The following CSMD1 variants were observed in gnomAD, a reference collection of about 807,000 sequenced individuals.
CSMD1 encodes the protein CUB and sushi domain-containing protein 1.
CSMD1 carries 213 observed loss-of-function variants against 417.5 expected under a neutral mutation model. The observed-to-expected ratio is 0.51, with a 90% confidence interval of 0.46 to 0.57. CSMD1 has a LOEUF of 0.57. Ranked by LOEUF, CSMD1 falls within the 20% of genes least tolerant of loss-of-function variation. The probability of loss-of-function intolerance (pLI) is 0.00; values close to 1 mark genes in which losing one functional copy is unlikely to be tolerated. For synonymous variants in CSMD1, 2,862 were observed against 1,736.8 expected, an observed-to-expected ratio of 1.65 and a Z score of -16.11; for missense variants, 6,923 against 4,529.7, an observed-to-expected ratio of 1.53 and a Z score of -15.17.
At chr8:4,292,762 A>T (rs938025655) in intron 3 of CSMD1, among the ~76,000 whole-genome samples, 3 of 152,190 alleles carry the variant, frequency 2.0e-5, no homozygotes, top group Non-Finnish European at 4.4e-5. Flanking sequence ...TTCAAACTGA[A>T]TATTAAACAC....
At chr8:2,957,880 G>T in intron 62 of CSMD1, 73 bp from the exon 63 acceptor site, 2 of 995,726 alleles carry the variant, frequency 2.0e-6, no homozygotes, top group Non-Finnish European at 3.1e-6. Context: ...ATACCTGAAA[G>T]TACACGCCCG....
At chr8:4,663,983 G>A (rs567784028) in intron 1 of CSMD1, among the ~76,000 whole-genome samples, 1 of 152,260 alleles carries the variant, frequency 6.6e-6, no homozygotes, top group African/African-American at 2.4e-5. Context: ...AGTGGCTCCT[G>A]TTGTTTCTGG....
chr8:3,158,529 A>G (rs1355186175), intron 38 of CSMD1, among the ~76,000 whole-genome samples: 2 of 152,090 alleles, frequency 1.3e-5, no homozygotes, highest in Non-Finnish European at 2.9e-5. Flanking sequence ...ACACATCACA[A>G]CAACCTGCCT....
At chr8:4,094,095 A>G (rs1800871345) in intron 3 of CSMD1, among the ~76,000 whole-genome samples, 1 of 151,876 alleles carries the variant, frequency 6.6e-6, no homozygotes, top group Admixed American at 6.6e-5. Context: ...GTGTGGATGG[A>G]GGAAAACGGC....
intron 3 of CSMD1, among the ~76,000 whole-genome samples, chr8:4,226,869 G>A (rs1053179927): frequency 6.6e-6 from 1 of 152,146 alleles, no homozygotes; most frequent in African/African-American, 2.4e-5. Flanking sequence ...CTTTAGTTTG[G>A]GAATAAGAAA....
intron 2 of CSMD1, among the ~76,000 whole-genome samples, chr8:4,462,343 G>A (rs535424798): frequency 4.6e-5 from 7 of 152,126 alleles, no homozygotes; most frequent in African/African-American, 1.4e-4. Flanking sequence ...TAAAGAAATT[G>A]AAGACCTAAA....
At chr8:4,838,926 T>A (rs1345348443) in intron 1 of CSMD1, among the ~76,000 whole-genome samples, 1 of 152,250 alleles carries the variant, frequency 6.6e-6, no homozygotes, top group Non-Finnish European at 1.5e-5. Context: ...AAACTTATTT[T>A]ATGAAAGACA....
intron 4 of CSMD1, among the ~76,000 whole-genome samples, chr8:4,011,136 C>A (rs1310246656): frequency 6.6e-6 from 1 of 152,132 alleles, no homozygotes; most frequent in African/African-American, 2.4e-5. Flanking sequence ...AATCTATAAC[C>A]TTCAATTTTG....
intron 3 of CSMD1, among the ~76,000 whole-genome samples, chr8:4,052,841 C>A (rs1331024351): frequency 6.6e-6 from 1 of 152,106 alleles, no homozygotes; most frequent in Non-Finnish European, 1.5e-5. Flanking sequence ...CCTAGGTAAA[C>A]CCCTCTCCAT....
intron 5 of CSMD1, among the ~76,000 whole-genome samples, chr8:3,888,943 G>T (rs891303866): frequency 1.3e-5 from 2 of 152,086 alleles, no homozygotes; most frequent in East Asian, 1.9e-4. Flanking sequence ...TTTATGTGAA[G>T]ATTTTATTAA....
intron 7 of CSMD1, among the ~76,000 whole-genome samples, chr8:3,678,412 C>T (rs960507754): frequency 3.9e-5 from 6 of 151,954 alleles, no homozygotes; most frequent in South Asian, 2.1e-4. Flanking sequence ...ACAGCCGATT[C>T]GATCAACTGG....
At chr8:4,550,230 A>G (rs994014150) in intron 2 of CSMD1, among the ~76,000 whole-genome samples, 1 of 151,882 alleles carries the variant, frequency 6.6e-6, no homozygotes, top group Non-Finnish European at 1.5e-5. Flanking sequence ...CACATTTCTC[A>G]GCCTTCACTT....
chr8:4,316,978 C>T (rs1798972992), intron 3 of CSMD1, among the ~76,000 whole-genome samples: 1 of 151,576 alleles, frequency 6.6e-6, no homozygotes, highest in African/African-American at 2.4e-5. Context: ...AGAGTAAATA[C>T]AATCGACTCT....
At chr8:3,466,009 C>A (rs1025379707) in intron 12 of CSMD1, among the ~76,000 whole-genome samples, 5 of 152,134 alleles carry the variant, frequency 3.3e-5, no homozygotes, top group Non-Finnish European at 7.3e-5. Flanking sequence ...GTTGGGTTTA[C>A]ATGTCTTACT....
intron 5 of CSMD1, among the ~76,000 whole-genome samples, chr8:3,995,880 A>G (rs1815175536): frequency 6.6e-6 from 1 of 152,218 alleles, no homozygotes; most frequent in Non-Finnish European, 1.5e-5. Flanking sequence ...GTTCCCACTG[A>G]TAACTTTCCC....
chr8:4,903,173 C>A (rs907706278), intron 1 of CSMD1, among the ~76,000 whole-genome samples: 7 of 152,074 alleles, frequency 4.6e-5, no homozygotes, highest in Non-Finnish European at 8.8e-5. Context: ...ATGCAATCTT[C>A]CCACAGGAAC....
intron 26 of CSMD1, among the ~76,000 whole-genome samples, chr8:3,240,024 G>A (rs1799396844): frequency 1.3e-5 from 2 of 152,138 alleles, no homozygotes; most frequent in Non-Finnish European, 2.9e-5. Flanking sequence ...TATGAGAACT[G>A]TAGAGAGTGA....
chr8:4,628,397 CAT>C (rs995965952), intron 2 of CSMD1, among the ~76,000 whole-genome samples: 10 of 128,454 alleles, frequency 7.8e-5, no homozygotes, highest in Admixed American at 1.6e-4. Flanking sequence ...TATATATACA[CAT>C]ATATATACAC....
intron 3 of CSMD1, among the ~76,000 whole-genome samples, chr8:4,103,889 T>C (rs1801431862): frequency 6.6e-6 from 1 of 152,192 alleles, no homozygotes; most frequent in African/African-American, 2.4e-5. Flanking sequence ...TTAATATTTG[T>C]TCTCTCCAGG....
Sources: allele counts gnomAD v4.1 joint callset (sites outside exome capture counted in the v4.1 genomes callset), GRCh38; gene constraint gnomAD v4.1.1; transcripts MANE v1.5; gene names NCBI Gene and HGNC (gene_info 2026-07-23, HGNC 2026-07-21).